The following ANK3 variants were observed in gnomAD, a reference collection of about 807,000 sequenced individuals.
ANK3 encodes ankyrin-3.
A neutral mutation model predicts 370.9 loss-of-function variants in ANK3; 57 were observed. The observed-to-expected ratio is 0.15, with a 90% CI of 0.12 to 0.19. ANK3 has a LOEUF of 0.19. Ranked by LOEUF, ANK3 falls within the 10% of genes least tolerant of loss-of-function variation. The pLI is 1.00. For missense variants in ANK3, 4,439 were observed against 5,302.1 expected, an observed-to-expected ratio of 0.84 and a Z score of 5.06; for synonymous variants, 1,929 against 1,946.3, an observed-to-expected ratio of 0.99 and a Z score of 0.23.
intron 2 of ANK3, among the ~76,000 whole-genome samples, chr10:60,469,661 ATATATATATATATATATATGGTGG>A (rs2065163687): frequency 1.3e-5 from 1 of 78,048 alleles, no homozygotes; most frequent in African/African-American, 4.4e-5. Context: ...ATATGGTGGT[ATATATATATATATATATATGGTGG>A]TATATATATA....
At chr10:60,697,099 T>C (rs2079468713) in intron 1 of ANK3, among the ~76,000 whole-genome samples, 1 of 151,730 alleles carries the variant, frequency 6.6e-6, no homozygotes, top group African/African-American at 2.4e-5. Flanking sequence ...AGCATTCTTA[T>C]ACACCAACAA....
intron 1 of ANK3, among the ~76,000 whole-genome samples, chr10:60,677,254 C>T (rs2079137234): frequency 6.6e-6 from 1 of 152,090 alleles, no homozygotes; most frequent in African/African-American, 2.4e-5. Flanking sequence ...AACTGAATGA[C>T]CACAATTTAG....
chr10:60,429,400 G>C (rs1030667570), intron 2 of ANK3, among the ~76,000 whole-genome samples: 1 of 151,822 alleles, frequency 6.6e-6, no homozygotes, highest in Non-Finnish European at 1.5e-5. Context: ...GGGAAAAGAG[G>C]GTACACATAT....
chr10:60,524,152 G>A (rs894269928), intron 2 of ANK3, among the ~76,000 whole-genome samples: 1 of 152,108 alleles, frequency 6.6e-6, no homozygotes, highest in Non-Finnish European at 1.5e-5. Context: ...TAACCAAAGA[G>A]TTACAGACTC....
chr10:60,591,591 G>C (rs1460696087), intron 2 of ANK3, among the ~76,000 whole-genome samples: 2 of 152,018 alleles, frequency 1.3e-5, no homozygotes, highest in Admixed American at 1.3e-4. Flanking sequence ...CCAAAAGAAA[G>C]GCAATCAGTA....
intron 8 of ANK3, among the ~76,000 whole-genome samples, chr10:60,221,444 TAGAC>T (rs1240240132): frequency 6.6e-6 from 1 of 152,136 alleles, no homozygotes; most frequent in Non-Finnish European, 1.5e-5. Flanking sequence ...CAGATTAACA[TAGAC>T]AGAATATTAT....
intron 2 of ANK3, among the ~76,000 whole-genome samples, chr10:60,547,812 A>G (rs961894986): frequency 2.6e-5 from 4 of 152,178 alleles, no homozygotes; most frequent in African/African-American, 7.2e-5. Context: ...GCAGTTACCT[A>G]TTCAAACTCT....
At chr10:60,143,610 T>C (rs77792132) in intron 23 of ANK3, among the ~76,000 whole-genome samples, 60 of 152,282 alleles carry the variant, frequency 3.9e-4, no homozygotes, top group African/African-American at 1.4e-3. Flanking sequence ...ATAGAGGAAT[T>C]TGACTATTTT....
intron 2 of ANK3, among the ~76,000 whole-genome samples, chr10:60,437,101 T>A (rs1285605867): frequency 1.3e-5 from 2 of 152,004 alleles, no homozygotes; most frequent in Admixed American, 6.6e-5. Context: ...GATTCCAGAG[T>A]GTTTAGACCA....
chr10:60,060,069 T>A (rs188592759), intron 40 of ANK3: 2 of 1,260,050 alleles, frequency 1.6e-6, no homozygotes, highest in South Asian at 1.8e-5. Context: ...CAAAAACACA[T>A]GGAATGACTA....
chr10:60,560,000 G>A (rs2077297267), intron 2 of ANK3, among the ~76,000 whole-genome samples: 2 of 151,958 alleles, frequency 1.3e-5, no homozygotes, highest in African/African-American at 2.4e-5. Flanking sequence ...CCAAAATCAC[G>A]CCACTGCACT....
chr10:60,358,874 A>C (rs1447868409), intron 1 of ANK3, among the ~76,000 whole-genome samples: 1 of 151,840 alleles, frequency 6.6e-6, no homozygotes, highest in Non-Finnish European at 1.5e-5. Context: ...TTATTTTAGT[A>C]ATTCAGATTA....
At chr10:60,261,798 G>A in intron 7 of ANK3, 61 bp downstream of exon 7, 3 of 1,459,934 alleles carry the variant, frequency 2.1e-6, no homozygotes, top group Middle Eastern at 1.8e-4. Context: ...TCATGTTGGG[G>A]AAAGAGAGTA....
intron 1 of ANK3, among the ~76,000 whole-genome samples, chr10:60,701,172 TGAAAAG>T (rs1288775845): frequency 6.6e-6 from 1 of 151,890 alleles, no homozygotes; most frequent in Non-Finnish European, 1.5e-5. Flanking sequence ...ATAAGAGAAA[TGAAAAG>T]GAAAACTGCC....
intron 2 of ANK3, among the ~76,000 whole-genome samples, chr10:60,433,114 A>G (rs1309429547): frequency 1.3e-5 from 2 of 151,942 alleles, no homozygotes; most frequent in Non-Finnish European, 2.9e-5. Flanking sequence ...TTGATAAAAA[A>G]GAAACATTAA....
chr10:60,182,187 A>G (rs1246156703), intron 17 of ANK3, among the ~76,000 whole-genome samples: 3 of 152,136 alleles, frequency 2.0e-5, no homozygotes. Context: ...GAACACTGAC[A>G]TATGCTGATA....
At chr10:60,099,577 A>C (rs2090803291) in intron 28 of ANK3, among the ~76,000 whole-genome samples, 1 of 152,194 alleles carries the variant, frequency 6.6e-6, no homozygotes, top group African/African-American at 2.4e-5. Context: ...ACTGCAGATT[A>C]AGAGACTTAC....
intron 2 of ANK3, among the ~76,000 whole-genome samples, chr10:60,415,509 G>C (rs917620679): frequency 6.6e-6 from 1 of 152,118 alleles, no homozygotes; most frequent in Non-Finnish European, 1.5e-5. Flanking sequence ...TGGGAGGGAG[G>C]ATAAATGTGC....
rs952719651 is a variant in ANK3, at chr10:60,637,335, T to C, written c.58-22111A>G. Among the ~76,000 whole-genome samples, 3 of 152,308 alleles carry C rather than the reference T, an allele frequency of 2.0e-5. No individual in the cohort carries two copies. The East Asian group carries it at 5.8e-4, about 29-fold the overall frequency. On this transcript the variant is annotated intron_variant, in intron 1 of 43. Transcript: ENST00000373827. ...GGTTGTGCTTGATTCTTCCTGGCAATGGACGTTGCATAGCAATTGCATTTG... is the reference window on the plus strand; with the variant it reads ...GGTTGTGCTTGATTCTTCCTGGCAACGGACGTTGCATAGCAATTGCATTTG...
Sources: gnomAD v4.1 joint callset for allele counts (sites outside exome capture counted in the v4.1 genomes callset) on GRCh38, gnomAD v4.1.1 for gene constraint, MANE v1.5 for transcripts, NCBI Gene and HGNC (gene_info 2026-07-23, HGNC 2026-07-21) for gene names.